Variants in TRMT11 observed in about 807,000 individuals in gnomAD.
TRMT11 encodes the protein tRNA methyltransferase 11, also known as tRNA (guanine(10)-N(2))-methyltransferase TRMT11.
In TRMT11, 53 loss-of-function variants were observed where a neutral mutation model predicts 62.8. That is an observed-to-expected ratio of 0.84 (90% CI 0.68 to 1.06). The LOEUF (loss-of-function observed/expected upper bound fraction) is 1.06, where lower values mean the gene tolerates loss of function less well. Among genes scored for constraint, TRMT11 ranks in the 50% least tolerant of loss-of-function variants. The pLI is 0.00. For synonymous variants in TRMT11, 188 were observed against 190.3 expected, an observed-to-expected ratio of 0.99 and a Z score of 0.10; for missense variants, 556 against 553.4, an observed-to-expected ratio of 1.00 and a Z score of -0.05.
intron 1 of TRMT11, among the ~76,000 whole-genome samples, chr6:126,193,628 G>A (rs1778631159): frequency 6.6e-6 from 1 of 151,180 alleles, no homozygotes; most frequent in South Asian, 2.1e-4. Context: ...GAGTAGCTGG[G>A]ACCACAGGAG....
At chr6:126,057,401 G>C (rs1226047914) in intron 17 of TRMT11, among the ~76,000 whole-genome samples, 1 of 152,186 alleles carries the variant, frequency 6.6e-6, no homozygotes, top group Non-Finnish European at 1.5e-5. Context: ...AATTATGGTG[G>C]GATATTTGGC....
the TRMT11 span, among the ~76,000 whole-genome samples, chr6:126,212,985 A>G: frequency 4.6e-5 from 7 of 152,270 alleles, no homozygotes; most frequent in South Asian, 1.4e-3. Context: ...ATTCTTCTGC[A>G]TATGGATATC....
chr6:126,057,818 T>A (rs984271129), intron 17 of TRMT11, among the ~76,000 whole-genome samples: 2 of 152,206 alleles, frequency 1.3e-5, no homozygotes, highest in Non-Finnish European at 2.9e-5. Context: ...GGTCAAGACC[T>A]AATGGCCTAA....
chr6:126,132,799 T>C (rs1777800724), intron 21 of TRMT11, among the ~76,000 whole-genome samples: 1 of 152,064 alleles, frequency 6.6e-6, no homozygotes, highest in Non-Finnish European at 1.5e-5. Context: ...AAAATCCATA[T>C]GTTTTAGAGT....
At chr6:126,085,970 T>C (rs1181118037) in intron 17 of TRMT11, among the ~76,000 whole-genome samples, 2 of 151,758 alleles carry the variant, frequency 1.3e-5, no homozygotes, top group Admixed American at 6.6e-5. Flanking sequence ...AAAATCTTCC[T>C]AAAAACAACA....
At chr6:126,228,469 A>G in the TRMT11 span, among the ~76,000 whole-genome samples, 2 of 152,216 alleles carry the variant, frequency 1.3e-5, no homozygotes, top group Non-Finnish European at 2.9e-5. Flanking sequence ...ACCTACTCCA[A>G]GCCTGATAAG....
chr6:126,036,451 A>T (rs1775212110), intron 12 of TRMT11, among the ~76,000 whole-genome samples: 1 of 152,080 alleles, frequency 6.6e-6, no homozygotes, highest in South Asian at 2.1e-4. Context: ...AGGGAGGCCT[A>T]GATTAAATGT....
chr6:126,174,484 A>G (rs542802197), upstream of TRMT11, among the ~76,000 whole-genome samples: 6 of 152,304 alleles, frequency 3.9e-5, no homozygotes, highest in South Asian at 1.2e-3. Context: ...GAAAATGTTG[A>G]TGCTTCTCTC....
intron 21 of TRMT11, among the ~76,000 whole-genome samples, chr6:126,126,293 T>C (rs1777718458): frequency 6.6e-6 from 1 of 152,166 alleles, no homozygotes; most frequent in Non-Finnish European, 1.5e-5. Context: ...ATGTATTTAC[T>C]CATATACACA....
the TRMT11 span, among the ~76,000 whole-genome samples, chr6:126,221,932 T>C: frequency 6.6e-6 from 1 of 152,358 alleles, no homozygotes; most frequent in East Asian, 1.9e-4. Flanking sequence ...TCTAGGATTT[T>C]TATATTTCTA....
At chr6:126,203,338 GA>G (rs1778757477), downstream of TRMT11, among the ~76,000 whole-genome samples, 1 of 152,170 alleles carries the variant, frequency 6.6e-6, no homozygotes, top group South Asian at 2.1e-4. Context: ...AGTTGGAAGA[GA>G]CCACTTAGAT....
At chr6:126,240,795 C>T in the TRMT11 span, among the ~76,000 whole-genome samples, 3 of 152,266 alleles carry the variant, frequency 2.0e-5, no homozygotes, top group Non-Finnish European at 4.4e-5. Context: ...TGGCTATGCC[C>T]TGCCCCCAGA....
chr6:126,139,215 A>G, intron 21 of TRMT11, among the ~76,000 whole-genome samples: 1 of 152,044 alleles, frequency 6.6e-6, no homozygotes, highest in East Asian at 1.9e-4. Flanking sequence ...AAACTAATAC[A>G]TATATCCAGA....
At chr6:126,138,674 A>G (rs1047031316) in intron 21 of TRMT11, among the ~76,000 whole-genome samples, 1 of 152,084 alleles carries the variant, frequency 6.6e-6, no homozygotes, top group Admixed American at 6.6e-5. Context: ...TGAGGCTTCT[A>G]AAATGTACAA....
intron 17 of TRMT11, among the ~76,000 whole-genome samples, chr6:126,085,928 C>G (rs1777212409): frequency 6.6e-6 from 1 of 152,122 alleles, no homozygotes; most frequent in Non-Finnish European, 1.5e-5. Context: ...TGGTCTGTAA[C>G]TTCCTCTCAA....
intron 17 of TRMT11, among the ~76,000 whole-genome samples, chr6:126,076,602 A>G (rs1185824126): frequency 6.6e-6 from 1 of 152,192 alleles, no homozygotes; most frequent in Non-Finnish European, 1.5e-5. Context: ...CAAAACTTCA[A>G]AACACCATCC....
rs140056918 is a variant in TRMT11, at chr6:126,160,284, C to T, written c.*1824-14541C>T. On this transcript the variant is annotated intron_variant and NMD_transcript_variant, in intron 21 of 22. Transcript: ENST00000648977. ...CTCTTAGGGAGACTTATTACTGAAG[C>T]CCACTGGACTATGACCATGCTGTAC... Among the ~76,000 whole-genome samples the T allele has an allele frequency of 5.9e-5, 9 of 152,278 alleles. No individual in the cohort carries two copies. In the East Asian group the frequency reaches 1.7e-3, roughly 29 times the overall value.
intron 1 of TRMT11, among the ~76,000 whole-genome samples, chr6:125,989,310 T>C (rs1790224296): frequency 6.6e-6 from 1 of 151,882 alleles, no homozygotes; most frequent in Non-Finnish European, 1.5e-5. Context: ...GTATTTTCAG[T>C]AGAGACGGGC....
intron 21 of TRMT11, among the ~76,000 whole-genome samples, chr6:126,129,992 T>C (rs187131145): frequency 2.0e-5 from 3 of 152,200 alleles, no homozygotes; most frequent in African/African-American, 4.8e-5. Context: ...TGGAGACACC[T>C]GGTGCATAGA....
Sources: gnomAD v4.1 joint callset for allele counts (sites outside exome capture counted in the v4.1 genomes callset) on GRCh38, gnomAD v4.1.1 for gene constraint, MANE v1.5 for transcripts, NCBI Gene and HGNC (gene_info 2026-07-23, HGNC 2026-07-21) for gene names.